CA5A: variants seen among roughly 807,000 people sequenced by gnomAD.
The protein encoded by CA5A is carbonic anhydrase 5A.
Under a neutral mutation model 37.1 loss-of-function variants are expected in CA5A, and 28 were observed. That is an observed-to-expected ratio of 0.75 (90% CI 0.56 to 1.03). CA5A has a LOEUF of 1.03. Ranked by LOEUF, CA5A falls within the 50% of genes least tolerant of loss-of-function variation. The pLI, the probability that CA5A is intolerant of heterozygous loss-of-function variation, is 0.00. For synonymous variants in CA5A, 171 were observed against 158.4 expected (o/e 1.08, Z -0.60); for missense variants, 444 against 399.9 (o/e 1.11, Z -0.94).
intron 2 of CA5A, among the ~76,000 whole-genome samples, chr16:87,910,458 A>G (rs1964663897): frequency 6.6e-6 from 1 of 152,182 alleles, no homozygotes; most frequent in South Asian, 2.1e-4. Context: ...AACCTCACCC[A>G]GGTCTGACGG....
chr16:87,927,628 A>T (rs1350257951), intron 1 of CA5A, among the ~76,000 whole-genome samples: 1 of 152,166 alleles, frequency 6.6e-6, no homozygotes, highest in Non-Finnish European at 1.5e-5. Flanking sequence ...TTCGGAAGCA[A>T]GGTGGGTGGA....
intron 2 of CA5A, among the ~76,000 whole-genome samples, chr16:87,908,036 T>C (rs2055991415): frequency 6.6e-6 from 1 of 152,206 alleles, no homozygotes; most frequent in Admixed American, 6.5e-5. Context: ...CGAACCCTCA[T>C]GGGATGAATG....
intron 2 of CA5A, among the ~76,000 whole-genome samples, chr16:87,910,996 G>C (rs542045286): frequency 6.6e-6 from 1 of 150,522 alleles, no homozygotes; most frequent in African/African-American, 2.5e-5. Flanking sequence ...GGGATCTGCC[G>C]CCTCAGCCTC....
chr16:87,895,443 G>A (rs1166912341), intron 5 of CA5A, among the ~76,000 whole-genome samples: 3 of 152,140 alleles, frequency 2.0e-5, no homozygotes, highest in African/African-American at 7.2e-5. Context: ...TACTCGGGAG[G>A]CTGAGGCAGG....
chr16:87,914,064 G>T (rs2056093677), intron 2 of CA5A, among the ~76,000 whole-genome samples: 1 of 152,218 alleles, frequency 6.6e-6, no homozygotes, highest in African/African-American at 2.4e-5. Flanking sequence ...CCAGGGCTGG[G>T]TCTGGGAAGG....
chr16:87,883,028 G>C (rs1185052079), downstream of CA5A: 2 of 152,278 alleles, frequency 1.3e-5, no homozygotes, highest in African/African-American at 2.4e-5. Context: ...ATTTTGTTTT[G>C]TTTTGTTTTG....
chr16:87,909,866 G>A (rs1273004021), intron 2 of CA5A, among the ~76,000 whole-genome samples: 3 of 152,202 alleles, frequency 2.0e-5, no homozygotes, highest in Non-Finnish European at 2.9e-5. Flanking sequence ...CATGGGGTCA[G>A]GAGTGGGGTC....
intron 5 of CA5A, among the ~76,000 whole-genome samples, chr16:87,901,629 C>T (rs533331672): frequency 3.3e-5 from 5 of 150,232 alleles, no homozygotes; most frequent in African/African-American, 1.2e-4. Flanking sequence ...ACTCTTGTCA[C>T]CCAGGCTGGA....
intron 2 of CA5A, among the ~76,000 whole-genome samples, chr16:87,909,253 C>T (rs1274760333): frequency 3.3e-5 from 5 of 152,150 alleles, no homozygotes; most frequent in South Asian, 4.1e-4. Context: ...ATGGGGCCCT[C>T]GGGACATGCG....
chr16:87,927,730 G>A (rs190474073), intron 1 of CA5A, among the ~76,000 whole-genome samples: 18 of 151,944 alleles, frequency 1.2e-4, no homozygotes, highest in African/African-American at 4.1e-4. Flanking sequence ...GTGTGGTGGC[G>A]GGCGCCTGTA....
At chr16:87,898,729 ATTTT>A (rs59375883) in intron 5 of CA5A, among the ~76,000 whole-genome samples, 1 of 115,052 alleles carries the variant, frequency 8.7e-6, no homozygotes. Flanking sequence ...TCTAGTGTGG[ATTTT>A]TTTTTTTTTT....
At chr16:87,888,669 G>T (rs2055672069) in intron 6 of CA5A, among the ~76,000 whole-genome samples, 1 of 152,100 alleles carries the variant, frequency 6.6e-6, no homozygotes. Context: ...GCTGACACTG[G>T]GCTACAATTC....
At chr16:87,912,825 G>A (rs1391344685) in intron 2 of CA5A, among the ~76,000 whole-genome samples, 1 of 152,228 alleles carries the variant, frequency 6.6e-6, no homozygotes, top group African/African-American at 2.4e-5. Flanking sequence ...GGGACGACCA[G>A]CGGAAAGGAC....
chr16:87,905,797 C>T (rs139742932), intron 2 of CA5A, among the ~76,000 whole-genome samples: 162 of 152,360 alleles, frequency 1.1e-3, no homozygotes, highest in Middle Eastern at 3.4e-3. Flanking sequence ...TAAACACTCA[C>T]CTTGGAGTCA....
At chr16:87,919,904 C>A (rs899478506) in intron 2 of CA5A, among the ~76,000 whole-genome samples, 2 of 152,172 alleles carry the variant, frequency 1.3e-5, no homozygotes, top group Non-Finnish European at 2.9e-5. Context: ...TTGAACTCGG[C>A]CGTGCAGGAG....
At position 87,891,967 on chromosome 16, in the gene CA5A, G is replaced by A. The variant is rs753430924; in HGVS notation, c.619-13C>T. 1.3e-6 allele frequency: 2 copies of A among 1,526,136 alleles called. No homozygotes were observed. Among genetic ancestry groups the A allele is most frequent in the East Asian group, 5.2e-5 (2 of 38,374 alleles). 94.5% of individuals were successfully genotyped at this position (1,526,136 alleles called of 1,614,324 possible). A position where few individuals can be genotyped will look rare whatever the true frequency, so the allele number is the denominator to read the frequency against. On this transcript the variant is annotated splice_polypyrimidine_tract_variant and intron_variant, in intron 5 of 6. Coordinates refer to ENST00000649794, the MANE Select transcript of CA5A (RefSeq NM_001739.2). ...CCGCCCGCGCGTCCTGAGAGACCGA[G>A]AAGCACAGGACGTGTCAGTCCTCAG...
intron 2 of CA5A, among the ~76,000 whole-genome samples, chr16:87,915,320 G>C (rs1012609523): frequency 6.6e-6 from 1 of 152,030 alleles, no homozygotes; most frequent in Non-Finnish European, 1.5e-5. Flanking sequence ...AACTTCCAAA[G>C]GAAACTTTAT....
chr16:87,931,676 C>G (rs1376800506), intron 1 of CA5A, among the ~76,000 whole-genome samples: 1 of 152,206 alleles, frequency 6.6e-6, no homozygotes, highest in Admixed American at 6.5e-5. Flanking sequence ...ATGCATTTCC[C>G]TGCCCCTGCC....
intron 6 of CA5A, among the ~76,000 whole-genome samples, chr16:87,890,566 A>G (rs2143898065): frequency 6.6e-6 from 1 of 152,268 alleles, no homozygotes; most frequent in East Asian, 1.9e-4. Flanking sequence ...CAGAATTGCT[A>G]CAGATTCTTA....
Sources: gnomAD v4.1 joint callset for allele counts (sites outside exome capture counted in the v4.1 genomes callset) on GRCh38, gnomAD v4.1.1 for gene constraint, MANE v1.5 for transcripts, NCBI Gene and HGNC (gene_info 2026-07-23, HGNC 2026-07-21) for gene names.